The following GGACT variants were observed in gnomAD, a reference collection of about 807,000 sequenced individuals.
GGACT encodes the protein gamma-glutamylamine cyclotransferase.
For synonymous variants in GGACT, 118 were observed against 115.3 expected (o/e 1.02, Z -0.15); for missense variants, 241 against 233.2 (o/e 1.03, Z -0.22).
intron 2 of GGACT, among the ~76,000 whole-genome samples, chr13:100,546,066 GA>G (rs1282428307): frequency 2.6e-5 from 4 of 152,148 alleles, no homozygotes; most frequent in Non-Finnish European, 5.9e-5. Context: ...TTTCTGATAA[GA>G]ATGAAATAGA....
intron 2 of GGACT, among the ~76,000 whole-genome samples, chr13:100,554,723 G>T (rs2088696637): frequency 6.6e-6 from 1 of 152,158 alleles, no homozygotes; most frequent in Admixed American, 6.5e-5. Flanking sequence ...TCAAAGAAAA[G>T]AGGGAATTGA....
intron 2 of GGACT, chr13:100,538,603 AG>A (rs1239975531): frequency 9.2e-5 from 14 of 152,266 alleles, no homozygotes; most frequent in African/African-American, 3.4e-4. Context: ...GCAAAACCAC[AG>A]ATAAGGAGGA....
chr13:100,571,110 T>C (rs1486260117), intron 2 of GGACT, among the ~76,000 whole-genome samples: 1 of 152,126 alleles, frequency 6.6e-6, no homozygotes, highest in Non-Finnish European at 1.5e-5. Context: ...ACAACAGTCC[T>C]AGCTCTCTGC....
At chr13:100,585,964 A>G (rs2153017731) in intron 1 of GGACT, among the ~76,000 whole-genome samples, 1 of 152,162 alleles carries the variant, frequency 6.6e-6, no homozygotes, top group South Asian at 2.1e-4. Flanking sequence ...TGATCTCAGC[A>G]GAGCTGGTTC....
intron 1 of GGACT, among the ~76,000 whole-genome samples, chr13:100,588,418 T>G (rs1244799087): frequency 6.6e-6 from 1 of 152,210 alleles, no homozygotes; most frequent in African/African-American, 2.4e-5. Context: ...CTGTCACGCT[T>G]CCTTTACAGG....
intron 2 of GGACT, 53 bp from the exon 3 acceptor site, chr13:100,532,654 G>A (rs1391263876): frequency 2.9e-6 from 4 of 1,401,872 alleles, no homozygotes; most frequent in African/African-American, 2.9e-5. Context: ...CTCTGTGTCT[G>A]CACCTGGGAC....
intron 2 of GGACT, chr13:100,536,690 A>T (rs780645482): frequency 2.0e-5 from 3 of 152,100 alleles, no homozygotes; most frequent in Non-Finnish European, 2.9e-5. Flanking sequence ...CACTCTTTGG[A>T]AGTGAGGCTG....
chr13:100,577,165 C>A (rs1875271121), intron 2 of GGACT, among the ~76,000 whole-genome samples: 1 of 152,118 alleles, frequency 6.6e-6, no homozygotes, highest in Non-Finnish European at 1.5e-5. Context: ...CCTGTAATCC[C>A]AGCACTTTGG....
At chr13:100,559,649 C>T (rs1594191702) in intron 2 of GGACT, among the ~76,000 whole-genome samples, 1 of 151,894 alleles carries the variant, frequency 6.6e-6, no homozygotes, top group East Asian at 1.9e-4. Context: ...TGTGTGCCAC[C>T]ACACCTGGCT....
intron 2 of GGACT, chr13:100,538,814 A>G (rs837301): frequency 0.99 from 150,194 of 152,388 alleles, 74,033 homozygotes; most frequent in East Asian, 1. Context: ...ACTTTAGGAA[A>G]TATTGACATC....
chr13:100,566,276 G>T (rs1432514824), intron 2 of GGACT, among the ~76,000 whole-genome samples: 2 of 152,210 alleles, frequency 1.3e-5, no homozygotes, highest in Non-Finnish European at 2.9e-5. Context: ...CTCAGCAGTG[G>T]ATAAGTCCAG....
At position 100,561,842 on chromosome 13, in the gene GGACT, C is replaced by T. The variant is rs544073793; in HGVS notation, c.-11+21983G>A. ...CCTTCTCTGTCCAGTGAGACCCTGGCACTTCCCAGAGTGGGGGAGTGGGAT... is the reference window on the plus strand; with the variant it reads ...CCTTCTCTGTCCAGTGAGACCCTGGTACTTCCCAGAGTGGGGGAGTGGGAT... On this transcript the variant is annotated intron_variant, in intron 2 of 2. Coordinates refer to ENST00000683975, the MANE Select transcript of GGACT (RefSeq NM_001195087.2). 2.6e-5 allele frequency among the ~76,000 whole-genome samples: 4 copies of T among 152,218 alleles called. No individual in the cohort carries two copies. In the East Asian group the frequency reaches 5.8e-4, roughly 22 times the overall value.
At chr13:100,539,360 A>G (rs2153012743) in intron 2 of GGACT, 1 of 153,318 alleles carries the variant, frequency 6.5e-6, no homozygotes, top group Admixed American at 6.5e-5. Context: ...TACTGCCTTT[A>G]TGATGTTGAG....
chr13:100,532,414 C>G lies in GGACT; in HGVS notation c.178G>C (p.Gly60Arg), dbSNP rs1156998518. ...TAGACCTCGCCCTCCACGAGGCGCCCCGAGCCGGGCAGGTGCAGCAGCCAC... is the reference window on the plus strand; with the variant it reads ...TAGACCTCGCCCTCCACGAGGCGCCGCGAGCCGGGCAGGTGCAGCAGCCAC... ...IPWLLHLPGS[G>R]RLVEGEVYAV... The change falls in exon 3 of 3, where the codon GGG becomes CGG. Residue 60 changes from glycine (G) to arginine (R), a missense_variant. By Grantham distance (125) the Gly-to-Arg change is moderately radical. Coordinates refer to ENST00000683975, the MANE Select transcript of GGACT (RefSeq NM_001195087.2). The G allele has an allele frequency of 7.7e-6, 12 of 1,549,994 alleles. No individual in the cohort carries two copies. The highest frequency in any genetic ancestry group is 9.6e-6 in the Non-Finnish European group (11 of 1,146,640).
chr13:100,536,204 T>G (rs1268246970), intron 2 of GGACT: 1 of 152,202 alleles, frequency 6.6e-6, no homozygotes, highest in Non-Finnish European at 1.5e-5. Flanking sequence ...GGGCTTCCTT[T>G]TATCCCTCAG....
At chr13:100,588,445 G>C (rs1875648247) in intron 1 of GGACT, among the ~76,000 whole-genome samples, 1 of 152,222 alleles carries the variant, frequency 6.6e-6, no homozygotes, top group African/African-American at 2.4e-5. Flanking sequence ...GCGCCCGTGC[G>C]TGAGGCGGTT....
At chr13:100,582,673 T>C (rs1048508034) in intron 2 of GGACT, among the ~76,000 whole-genome samples, 1 of 152,202 alleles carries the variant, frequency 6.6e-6, no homozygotes, top group African/African-American at 2.4e-5. Context: ...GGAATGCAGG[T>C]GGCCTCTAGC....
At chr13:100,557,085 T>C (rs897959503) in intron 2 of GGACT, among the ~76,000 whole-genome samples, 2 of 152,190 alleles carry the variant, frequency 1.3e-5, no homozygotes, top group Non-Finnish European at 2.9e-5. Flanking sequence ...GAGATGGGGT[T>C]TTGCCATGTT....
chr13:100,533,012 C>T (rs1184521475), intron 2 of GGACT, among the ~76,000 whole-genome samples: 1 of 152,200 alleles, frequency 6.6e-6, no homozygotes, highest in Non-Finnish European at 1.5e-5. Context: ...CCTCCCCACA[C>T]CACCTGGATG....
Sources: gnomAD v4.1 joint callset for allele counts (sites outside exome capture counted in the v4.1 genomes callset) on GRCh38, gnomAD v4.1.1 for gene constraint, MANE v1.5 for transcripts, NCBI Gene and HGNC (gene_info 2026-07-23, HGNC 2026-07-21) for gene names.